The following BICRAL variants were observed in gnomAD, a reference collection of about 807,000 sequenced individuals.
BICRAL encodes BICRA like chromatin remodeling complex associated protein, also known as BRD4-interacting chromatin-remodeling complex-associated protein-like.
In BICRAL, 8 loss-of-function variants were observed where a neutral mutation model predicts 91.8. That is an observed-to-expected ratio of 0.09 (90% CI 0.05 to 0.16). The LOEUF (loss-of-function observed/expected upper bound fraction) is 0.16, where lower values mean the gene tolerates loss of function less well. Ranked by LOEUF, BICRAL falls within the 10% of genes least tolerant of loss-of-function variation. The pLI is 1.00. For missense variants in BICRAL, 1,038 were observed against 1,310.9 expected (o/e 0.79, Z 3.21); for synonymous variants, 445 against 491.1 (o/e 0.91, Z 1.24).
intron 4 of BICRAL, 31 bp from the exon 5 acceptor site, chr6:42,822,904 G>A: frequency 6.5e-7 from 1 of 1,543,286 alleles, no homozygotes; most frequent in South Asian, 1.1e-5. Flanking sequence ...AGTTAAAGTA[G>A]TAACCACCTA....
intron 1 of BICRAL, among the ~76,000 whole-genome samples, chr6:42,782,670 TTAA>T (rs1762953080): frequency 6.6e-6 from 1 of 150,766 alleles, no homozygotes; most frequent in African/African-American, 2.4e-5. Flanking sequence ...GGGAAGCCTT[TTAA>T]TGACTCATTG....
intron 6 of BICRAL, among the ~76,000 whole-genome samples, chr6:42,844,383 C>T (rs555541899): frequency 6.6e-6 from 1 of 151,202 alleles, no homozygotes; most frequent in East Asian, 2.0e-4. Context: ...GTGGCGGGCA[C>T]CTGTAGTCCC....
At position 42,857,605 on chromosome 6, in the gene BICRAL, A is replaced by AT. The variant is rs1374647549; in HGVS notation, c.2254+369_2254+370insT. ...CATAGGGAGACACTGTCTCTTAAAA[A>AT]AAAAAAAAAATATATATATATATAT... On this transcript the variant is annotated intron_variant, in intron 10 of 12. Transcript: ENST00000314073. Among the ~76,000 whole-genome samples, 667 of 99,652 alleles carry AT rather than the reference A, an allele frequency of 6.7e-3. 7 individuals are homozygous for AT. The highest frequency in any genetic ancestry group is 0.037 in the African/African-American group (620 of 16,850). 65.4% of individuals were successfully genotyped at this position (99,652 alleles called of 152,430 possible). A position where few individuals can be genotyped will look rare whatever the true frequency, so the allele number is the denominator to read the frequency against.
intron 10 of BICRAL, 46 bp from the exon 11 acceptor site, chr6:42,860,216 G>C: frequency 9.4e-7 from 1 of 1,066,542 alleles, no homozygotes; most frequent in Non-Finnish European, 1.5e-6. Flanking sequence ...GACCTAGTCA[G>C]TGATTTACAG....
chr6:42,839,221 T>A (rs1489510298), intron 6 of BICRAL, among the ~76,000 whole-genome samples: 1 of 151,958 alleles, frequency 6.6e-6, no homozygotes, highest in Non-Finnish European at 1.5e-5. Flanking sequence ...AAAAAAGAGC[T>A]TTTTCTTCCT....
At chr6:42,802,421 G>GTTTTTTT (rs370280741) in intron 1 of BICRAL, among the ~76,000 whole-genome samples, 7 of 149,674 alleles carry the variant, frequency 4.7e-5, no homozygotes, top group East Asian at 2.0e-4. Flanking sequence ...AGCTTTTCGT[G>GTTTTTTT]TTTTTTTTTG....
At chr6:42,855,701 T>C (rs1054185807) in intron 8 of BICRAL, among the ~76,000 whole-genome samples, 155 bp from the exon 9 acceptor site, 15 of 144,122 alleles carry the variant, frequency 1.0e-4, no homozygotes, top group African/African-American at 3.8e-4. Context: ...TGTGTACTGG[T>C]TTTTTTTTTT....
chr6:42,769,136 T>G (rs2113841149), intron 1 of BICRAL, among the ~76,000 whole-genome samples: 1 of 152,364 alleles, frequency 6.6e-6, no homozygotes. Context: ...TGAGTGTTTT[T>G]GTCTCAGGGT....
At chr6:42,817,589 C>T (rs529957246) in intron 2 of BICRAL, among the ~76,000 whole-genome samples, 1 of 151,914 alleles carries the variant, frequency 6.6e-6, no homozygotes, top group Non-Finnish European at 1.5e-5. Flanking sequence ...AAACAATCCT[C>T]CCATCTCAGC....
At chr6:42,748,191 T>C (rs1033746691) in intron 1 of BICRAL, among the ~76,000 whole-genome samples, 1 of 151,638 alleles carries the variant, frequency 6.6e-6, no homozygotes, top group Non-Finnish European at 1.5e-5. Context: ...AAGCTAGTTA[T>C]ATTGTCCAAG....
intron 1 of BICRAL, among the ~76,000 whole-genome samples, chr6:42,756,917 T>C (rs796807014): frequency 3.1e-4 from 22 of 70,520 alleles, no homozygotes; most frequent in African/African-American, 5.4e-4. Flanking sequence ...TCTCTCTCCC[T>C]CTCCCCCCCC....
intron 1 of BICRAL, among the ~76,000 whole-genome samples, chr6:42,767,019 A>G (rs917974050): frequency 9.9e-5 from 15 of 151,440 alleles, no homozygotes; most frequent in South Asian, 4.2e-4. Flanking sequence ...CAGCCTGGGC[A>G]ACAGAGTGAG....
chr6:42,840,581 G>GT (rs771091652), intron 6 of BICRAL, among the ~76,000 whole-genome samples: 2 of 151,726 alleles, frequency 1.3e-5, no homozygotes, highest in Non-Finnish European at 2.9e-5. Context: ...TTGTCACCCA[G>GT]GCTGGAGTGC....
intron 5 of BICRAL, among the ~76,000 whole-genome samples, chr6:42,823,282 G>T (rs1448790498): frequency 1.3e-5 from 2 of 151,856 alleles, no homozygotes; most frequent in African/African-American, 4.8e-5. Flanking sequence ...CATGCCACAC[G>T]GGCTAATTTT....
At chr6:42,848,398 G>T (rs969033400) in intron 6 of BICRAL, among the ~76,000 whole-genome samples, 1 of 152,102 alleles carries the variant, frequency 6.6e-6, no homozygotes, top group African/African-American at 2.4e-5. Context: ...CTCAGTGACA[G>T]AGCAAGACCC....
chr6:42,809,624 G>A (rs1037431570), intron 1 of BICRAL, among the ~76,000 whole-genome samples: 1 of 151,546 alleles, frequency 6.6e-6, no homozygotes, highest in Non-Finnish European at 1.5e-5. Context: ...ACAGGCCCAA[G>A]CCACCATGCC....
chr6:42,836,825 T>C (rs1340666738), intron 6 of BICRAL, among the ~76,000 whole-genome samples: 2 of 152,072 alleles, frequency 1.3e-5, no homozygotes, highest in Non-Finnish European at 2.9e-5. Flanking sequence ...TTTCACCATG[T>C]TGGTCAGGCT....
At chr6:42,822,344 G>A (rs1355281626) in intron 3 of BICRAL, among the ~76,000 whole-genome samples, 1 of 149,664 alleles carries the variant, frequency 6.7e-6, no homozygotes, top group African/African-American at 2.5e-5. Flanking sequence ...AGGCCCACAC[G>A]ATCCTCCCAC....
Position 42,864,639 on chromosome 6 carries a change from C to G in BICRAL, c.2453-20C>G, listed in dbSNP as rs527980053. The G allele has an allele frequency of 2.4e-4, 381 of 1,602,630 alleles. 7 individuals are homozygous for G. In the South Asian group the frequency reaches 4.2e-3, roughly 18 times the overall value. On this transcript the variant is annotated intron_variant, in intron 12 of 12. Coordinates refer to ENST00000314073, the MANE Select transcript of BICRAL (RefSeq NM_001393499.1). ...CCTCTCCCAATCACTCACTAATGTT[C>G]TTTTTGTTCCCATTTCCAGAGGGTT...
Sources: gnomAD v4.1 joint callset for allele counts (sites outside exome capture counted in the v4.1 genomes callset) on GRCh38, gnomAD v4.1.1 for gene constraint, MANE v1.5 for transcripts, NCBI Gene and HGNC (gene_info 2026-07-23, HGNC 2026-07-21) for gene names.